The following MDN1 variants were observed in gnomAD, a reference collection of about 807,000 sequenced individuals.
MDN1 encodes the protein midasin AAA ATPase 1, also known as midasin.
MDN1 carries 266 observed loss-of-function variants against 669.2 expected under a neutral mutation model. The observed-to-expected ratio is 0.40, with a 90% CI of 0.36 to 0.44. The LOEUF (loss-of-function observed/expected upper bound fraction) is 0.44. Ranked by LOEUF, MDN1 falls within the 20% of genes least tolerant of loss-of-function variation. The pLI, the probability that MDN1 is intolerant of heterozygous loss-of-function variation, is 1.00. For synonymous variants in MDN1, 2,385 were observed against 2,457.1 expected (o/e 0.97, Z 0.87); for missense variants, 5,940 against 6,754.0 (o/e 0.88, Z 4.22).
Position 89,785,005 on chromosome 6 carries a change from C to A in MDN1, c.1449+7G>T. 6.3e-7 allele frequency: 1 copy of A among 1,583,768 alleles called. No individual in the cohort carries two copies. The highest frequency in any genetic ancestry group is 8.7e-7 in the Non-Finnish European group (1 of 1,152,390). On this transcript the variant is annotated splice_region_variant and intron_variant, in intron 9 of 101. Coordinates refer to ENST00000369393, the MANE Select transcript of MDN1 (RefSeq NM_014611.3). ...GCCAGCATTGATACTTTCCAAGACCCACGTACCTCATTCAGTTCTCTCTTA... is the reference window on the plus strand; with the variant it reads ...GCCAGCATTGATACTTTCCAAGACCAACGTACCTCATTCAGTTCTCTCTTA...
chr6:89,656,654 T>C (rs1156832878), intron 91 of MDN1, 46 bp downstream of exon 91: 1 of 1,404,834 alleles, frequency 7.1e-7, no homozygotes, highest in East Asian at 2.3e-5. Context: ...AACATCTTTT[T>C]CTACATGCTG....
rs1809883821 is a variant in MDN1, at chr6:89,662,681, G to A, written c.14412+111C>T. ...AAAAGAAAAAGAGGAATAGAAAAAA[G>A]AGAACAAAACAAATACAGAAAAAGA... On this transcript the variant is annotated intron_variant, in intron 86 of 101. Transcript: ENST00000369393. 3 of 1,246,848 alleles carry A rather than the reference G, an allele frequency of 2.4e-6. No individual in the cohort carries two copies. In the Middle Eastern group the frequency reaches 5.8e-4, roughly 240 times the overall value. The allele number at this position is 1,246,848 out of a possible 1,614,324, so 77.2% of individuals were successfully genotyped here.
chr6:89,718,118 A>G (rs542370553), intron 43 of MDN1, among the ~76,000 whole-genome samples: 2 of 152,378 alleles, frequency 1.3e-5, no homozygotes, highest in South Asian at 2.1e-4. Flanking sequence ...TTTTATCATT[A>G]TAGGTGATTA....
intron 43 of MDN1, among the ~76,000 whole-genome samples, chr6:89,717,573 C>T (rs574995619): frequency 2.0e-5 from 3 of 152,230 alleles, no homozygotes; most frequent in South Asian, 4.2e-4. Flanking sequence ...GTGAGTTTTA[C>T]AATACCCATT....
intron 37 of MDN1, among the ~76,000 whole-genome samples, chr6:89,726,111 GA>G (rs1340849819): frequency 6.6e-6 from 1 of 152,098 alleles, no homozygotes; most frequent in Non-Finnish European, 1.5e-5. Context: ...ATAACTTGCA[GA>G]AAAACTTGCC....
At chr6:89,805,034 CA>C (rs34538984) in intron 1 of MDN1, among the ~76,000 whole-genome samples, 6,980 of 57,666 alleles carry the variant, frequency 0.12, 58 homozygotes, top group South Asian at 0.18. Context: ...GACTCCGTCT[CA>C]AAAAAAAAAA....
chr6:89,812,306 C>A (rs1041916495), intron 1 of MDN1, among the ~76,000 whole-genome samples: 1 of 151,832 alleles, frequency 6.6e-6, no homozygotes, highest in Non-Finnish European at 1.5e-5. Flanking sequence ...TTTTATTGGC[C>A]GGGTGTGGTT....
chr6:89,782,679 G>A (rs945576470), intron 9 of MDN1, among the ~76,000 whole-genome samples: 6 of 151,430 alleles, frequency 4.0e-5, no homozygotes, highest in Admixed American at 1.3e-4. Context: ...GGTGGCTCAC[G>A]CCTGTGATCC....
At chr6:89,781,249 C>T (rs984244340) in intron 10 of MDN1, 150 bp downstream of exon 10, 1 of 706,738 alleles carries the variant, frequency 1.4e-6, no homozygotes, top group Admixed American at 2.6e-5. Flanking sequence ...TGACTATTTA[C>T]TTCTAGCTGG....
intron 66 of MDN1, 57 bp downstream of exon 66, chr6:89,688,516 T>C: frequency 1.3e-6 from 2 of 1,511,768 alleles, no homozygotes; most frequent in Non-Finnish European, 1.8e-6. Context: ...ATGGTGAGGC[T>C]GCATCCTCAT....
intron 31 of MDN1, among the ~76,000 whole-genome samples, chr6:89,740,957 C>T (rs552747941): frequency 9.2e-5 from 14 of 152,318 alleles, no homozygotes; most frequent in South Asian, 6.2e-4. Flanking sequence ...GTAGGCCGGG[C>T]GCAGTGACTC....
rs746788243 is a variant in MDN1 at position 89,781,562 on chromosome 6, C to A, written c.1480G>T (p.Ala494Ser). 6.2e-7 allele frequency: 1 copy of A among 1,611,494 alleles called. No homozygotes were observed. Among genetic ancestry groups the A allele is most frequent in the Non-Finnish European group, 8.5e-7 (1 of 1,178,262 alleles). Reference protein sequence around the residue: ...VLQSRYPSLLAVVDHLLDIYI... With the variant: ...VLQSRYPSLLSVVDHLLDIYI... ...ATGTCAAGCAGGTGATCAACCACTG[C>A]CAATAGGCTAGGATATCTGCTCTGA... The change falls in exon 10 of 102, where the codon GCA (alanine) becomes TCA (serine). Residue 494 changes from alanine to serine, a missense_variant. By Grantham distance (99) the Ala-to-Ser change is moderately conservative. This residue lies in a region of MDN1 where 1,203 missense variants were observed against 1,268.9 expected (regional missense o/e 0.95). Coordinates refer to ENST00000369393, the MANE Select transcript of MDN1 (RefSeq NM_014611.3).
At chr6:89,819,392 T>A (rs1453336833) in intron 1 of MDN1, 114 bp downstream of exon 1, 4 of 1,005,914 alleles carry the variant, frequency 4.0e-6, no homozygotes, top group African/African-American at 1.6e-5. Context: ...CAGCTTGACC[T>A]GAGGCTGCAC....
intron 94 of MDN1, among the ~76,000 whole-genome samples, 192 bp downstream of exon 94, chr6:89,652,798 GGA>G (rs1304068264): frequency 1.3e-5 from 2 of 152,078 alleles, no homozygotes; most frequent in African/African-American, 4.8e-5. Context: ...ATTAATTGCT[GGA>G]ACAGTATCAC....
chr6:89,711,794 G>A (rs1366410353), intron 49 of MDN1, among the ~76,000 whole-genome samples: 1 of 152,164 alleles, frequency 6.6e-6, no homozygotes, highest in Admixed American at 6.5e-5. Context: ...TTTTGAATTT[G>A]TTAGGAAGGT....
chr6:89,751,097 CA>C (rs1282836312), intron 23 of MDN1, among the ~76,000 whole-genome samples: 4 of 151,914 alleles, frequency 2.6e-5, no homozygotes, highest in Non-Finnish European at 4.4e-5. Context: ...CTAAGGAAAG[CA>C]ATTCCAACTA....
intron 83 of MDN1, among the ~76,000 whole-genome samples, chr6:89,668,614 GT>G (rs968460355): frequency 1.1e-4 from 16 of 152,196 alleles, no homozygotes; most frequent in Non-Finnish European, 2.2e-4. Context: ...AGAAAAAGTA[GT>G]AGTGACTCTC....
At position 89,680,687 on chromosome 6, in the gene MDN1, C is replaced by T. The variant is rs762686166; in HGVS notation, c.12167G>A (p.Arg4056His). The part of the protein sequence containing the change: ...PSGLEGELLR[R>H]LPKLRKRMRK... ...CATGCGTTTCCTGAGCTTTGGCAAG[C>T]GACGCAGAAGCTCCCCTTCCAAGCC... Residue 4056 changes from arginine to histidine, a missense_variant, in exon 74 of 102, where the codon CGC becomes CAC. Transcript: ENST00000369393. The T allele has an allele frequency of 1.8e-5, 29 of 1,614,106 alleles. No homozygotes were observed. The highest frequency in any genetic ancestry group is 8.9e-5 in the East Asian group (4 of 44,872).
chr6:89,802,450 C>T (rs961134266), intron 2 of MDN1, among the ~76,000 whole-genome samples: 8 of 152,172 alleles, frequency 5.3e-5, no homozygotes, highest in African/African-American at 1.2e-4. Flanking sequence ...TTTGGGAGGT[C>T]GAGGCGGGCA....
Sources: allele counts gnomAD v4.1 joint callset (sites outside exome capture counted in the v4.1 genomes callset), GRCh38; gene constraint gnomAD v4.1.1; regional missense constraint gnomAD v4.1.1; transcripts MANE v1.5; gene names NCBI Gene and HGNC (gene_info 2026-07-23, HGNC 2026-07-21).